SCN9A: variants seen among roughly 807,000 people sequenced by gnomAD.
SCN9A encodes the protein sodium channel protein type 9 subunit alpha.
SCN9A carries 131 observed loss-of-function variants against 187.0 expected under a neutral mutation model. The ratio of observed to expected loss-of-function variants is 0.70; its 90% CI spans 0.61 to 0.81. SCN9A has a LOEUF of 0.81. Ranked by LOEUF, SCN9A falls within the 30% of genes least tolerant of loss-of-function variation. The pLI is 0.00. For missense variants in SCN9A, 2,252 were observed against 2,396.6 expected (o/e 0.94, Z 1.26); for synonymous variants, 809 against 808.6 (o/e 1.00, Z -0.01).
chr2:166,308,559 A>T (rs6728885), intron 2 of SCN9A, among the ~76,000 whole-genome samples: 95,947 of 152,038 alleles, frequency 0.63, 30,826 homozygotes, highest in African/African-American at 0.72. Flanking sequence ...CATTCAGAAC[A>T]GTGAGTAAAT....
chr2:166,203,531 C>T (rs1303555444), intron 26 of SCN9A, among the ~76,000 whole-genome samples: 1 of 151,850 alleles, frequency 6.6e-6, no homozygotes, highest in African/African-American at 2.4e-5. Context: ...ACTTTAAATT[C>T]TGGAAGAATT....
intron 1 of SCN9A, among the ~76,000 whole-genome samples, chr2:166,341,640 A>C (rs1276828438): frequency 6.6e-6 from 1 of 152,194 alleles, no homozygotes; most frequent in African/African-American, 2.4e-5. Context: ...TCTGTGAATA[A>C]ATTCTTAGTT....
rs758286103 is a variant in SCN9A at position 166,204,118 on chromosome 2, C to T, written c.4611G>A (p.Glu1537=). ...CTTCAGTCATATGTTGACTTTGACC[C>T]TCCTTTTCTACCATCATGGTTACCA... ...LNMVTMMVEK[E]GQSQHMTEVL... is the part of the protein sequence containing the mutation. Residue 1537 remains glutamate (E), a synonymous_variant, in exon 26 of 27, where the codon GAG becomes GAA. Transcript: ENST00000642356. 3 of 1,612,688 alleles carry T rather than the reference C, an allele frequency of 1.9e-6. No homozygotes were observed. The South Asian group carries it at 3.3e-5, about 18-fold the overall frequency.
intron 1 of SCN9A, among the ~76,000 whole-genome samples, chr2:166,360,398 C>G (rs944844707): frequency 1.3e-5 from 2 of 152,066 alleles, no homozygotes; most frequent in Non-Finnish European, 2.9e-5. Flanking sequence ...GAAAATACTT[C>G]TTAGTTCACG....
At chr2:166,373,312 CTTT>C (rs75006765) in intron 1 of SCN9A, among the ~76,000 whole-genome samples, 4 of 117,692 alleles carry the variant, frequency 3.4e-5, no homozygotes, top group Non-Finnish European at 3.8e-5. Context: ...TCTTCTTCCT[CTTT>C]TTTTTTTTTT....
intron 1 of SCN9A, among the ~76,000 whole-genome samples, chr2:166,368,980 T>A (rs1298480979): frequency 6.7e-6 from 1 of 148,636 alleles, no homozygotes; most frequent in Non-Finnish European, 1.5e-5. Context: ...AGAGTGAAAC[T>A]CGGTCTCAAA....
intron 1 of SCN9A, among the ~76,000 whole-genome samples, chr2:166,324,248 G>A (rs527275962): frequency 6.6e-6 from 1 of 151,740 alleles, no homozygotes; most frequent in Non-Finnish European, 1.5e-5. Flanking sequence ...AGCCGAGATC[G>A]CGCCACTGCA....
chr2:166,331,553 G>A (rs1034751720), intron 1 of SCN9A, among the ~76,000 whole-genome samples: 4 of 152,142 alleles, frequency 2.6e-5, no homozygotes, highest in Non-Finnish European at 5.9e-5. Context: ...ATCTCAACAT[G>A]TTTGGCCATT....
intron 1 of SCN9A, among the ~76,000 whole-genome samples, chr2:166,343,562 G>A (rs1699834302): frequency 6.6e-6 from 1 of 152,146 alleles, no homozygotes; most frequent in Non-Finnish European, 1.5e-5. Context: ...CTTGTTGCAT[G>A]TGATAACATG....
intron 2 of SCN9A, 47 bp from the exon 3 acceptor site, chr2:166,307,121 A>AT (rs1412552082): frequency 9.3e-7 from 1 of 1,077,602 alleles, no homozygotes; most frequent in Non-Finnish European, 1.4e-6. Flanking sequence ...CAAAATATCA[A>AT]TTTTTCACAT....
intron 17 of SCN9A, among the ~76,000 whole-genome samples, chr2:166,267,655 T>C (rs889581593): frequency 2.6e-5 from 4 of 151,962 alleles, no homozygotes; most frequent in African/African-American, 9.7e-5. Context: ...CTTTAAATGT[T>C]TGGTAGAATT....
chr2:166,198,842 C>T lies in SCN9A; in HGVS notation c.5797G>A (p.Ala1933Thr). ...DDDLLNKKDM[A>T]FDNVNENSSP... The stretch of plus-strand genomic sequence containing the variant: ...GAGTTCTCATTAACATTATCAAAAG[C>T]CATATCTTTTTTATTGAGTAAATCA... Residue 1933 changes from alanine to threonine, a missense_variant, in exon 27 of 27, where the codon GCT becomes ACT. Physicochemically the swap from Ala to Thr is moderately conservative, Grantham distance 58. Coordinates refer to ENST00000642356, the MANE Select transcript of SCN9A (RefSeq NM_001365536.1). 1 of 1,613,618 alleles carries T rather than the reference C, an allele frequency of 6.2e-7. No homozygotes were observed.
intron 24 of SCN9A, among the ~76,000 whole-genome samples, chr2:166,208,468 A>T (rs1369365229): frequency 6.6e-6 from 1 of 152,156 alleles, no homozygotes; most frequent in East Asian, 1.9e-4. Flanking sequence ...ACTTCCTGAT[A>T]AGATGAGAGT....
chr2:166,211,206 G>A (rs529444804), intron 24 of SCN9A, among the ~76,000 whole-genome samples: 2 of 151,938 alleles, frequency 1.3e-5, no homozygotes, highest in African/African-American at 4.8e-5. Context: ...ATTTCTCAGT[G>A]GAAACTTTAA....
Position 166,297,974 on chromosome 2 carries a change from GA to G in SCN9A, c.902-3313del, listed in dbSNP as rs74774744. ...TTTTCAAGATTAATGTAGCAAAATA[GA>G]AAAAAAAATGGTAATTCTGCCCTTG... On this transcript the variant is annotated intron_variant, in intron 7 of 26. Coordinates refer to ENST00000642356, the MANE Select transcript of SCN9A (RefSeq NM_001365536.1). Among the ~76,000 whole-genome samples the G allele has an allele frequency of 2.6e-3, 385 of 150,596 alleles. 1 individual carries two copies. Among genetic ancestry groups the G allele is most frequent in the African/African-American group, 9.1e-3 (372 of 41,096 alleles).
At chr2:166,248,723 GTGGCACAATCT>G (rs1485699072) in intron 18 of SCN9A, among the ~76,000 whole-genome samples, 1 of 152,140 alleles carries the variant, frequency 6.6e-6, no homozygotes, top group African/African-American at 2.4e-5. Context: ...CTGGAGTGCA[GTGGCACAATCT>G]TGGCTCACTG....
chr2:166,328,170 C>A (rs1176194516), intron 1 of SCN9A, among the ~76,000 whole-genome samples: 1 of 152,058 alleles, frequency 6.6e-6, no homozygotes, highest in Non-Finnish European at 1.5e-5. Context: ...TGAAGGAATT[C>A]TGTGTTTTCA....
In SCN9A at chr2:166,304,374, T is replaced by C. The variant is rs201761066; in HGVS notation, c.597-45A>G. Reference sequence around the variant, plus strand: ...TTATTCAGAATTTAGATAGAGTCTATGATACTTACCTGAGCCTTTAGTCAA... The same window carrying C: ...TTATTCAGAATTTAGATAGAGTCTACGATACTTACCTGAGCCTTTAGTCAA... On this transcript the variant is annotated intron_variant, in intron 5 of 26. Coordinates refer to ENST00000642356, the MANE Select transcript of SCN9A (RefSeq NM_001365536.1). 62 of 1,529,966 alleles carry C rather than the reference T, an allele frequency of 4.1e-5. No individual in the cohort carries two copies. The Middle Eastern group carries it at 1.0e-3, about 25-fold the overall frequency. 94.8% of individuals were successfully genotyped at this position (1,529,966 alleles called of 1,614,324 possible). A position where few individuals can be genotyped will look rare whatever the true frequency, so the allele number is the denominator to read the frequency against.
At chr2:166,356,537 T>C (rs1700154764) in intron 1 of SCN9A, among the ~76,000 whole-genome samples, 1 of 152,156 alleles carries the variant, frequency 6.6e-6, no homozygotes, top group South Asian at 2.1e-4. Flanking sequence ...GAAGAATAAA[T>C]TTAGCCACAA....
Sources: allele counts gnomAD v4.1 joint callset (sites outside exome capture counted in the v4.1 genomes callset), GRCh38; gene constraint gnomAD v4.1.1; transcripts MANE v1.5; gene names NCBI Gene and HGNC (gene_info 2026-07-23, HGNC 2026-07-21).